The following ANTXR1 variants were observed in gnomAD, a reference collection of about 807,000 sequenced individuals.
ANTXR1 encodes anthrax toxin receptor 1.
In ANTXR1, 19 loss-of-function variants were observed where a neutral mutation model predicts 78.1. The ratio of observed to expected loss-of-function variants is 0.24; its 90% confidence interval spans 0.17 to 0.36. The LOEUF (loss-of-function observed/expected upper bound fraction) is 0.36, where lower values mean the gene tolerates loss of function less well. Among genes scored for constraint, ANTXR1 ranks in the 10% least tolerant of loss-of-function variants. ANTXR1 has a pLI of 1.00. For missense variants in ANTXR1, 518 were observed against 718.6 expected, an observed-to-expected ratio of 0.72 and a Z score of 3.19; for synonymous variants, 273 against 260.5, an observed-to-expected ratio of 1.05 and a Z score of -0.46.
intron 1 of ANTXR1, among the ~76,000 whole-genome samples, chr2:69,023,854 T>G (rs1671267939): frequency 6.6e-6 from 1 of 152,134 alleles, no homozygotes; most frequent in Non-Finnish European, 1.5e-5. Flanking sequence ...TGATCAGGAT[T>G]TTGTCAGGTG....
At chr2:69,026,968 G>A (rs1671363944) in intron 1 of ANTXR1, among the ~76,000 whole-genome samples, 1 of 152,158 alleles carries the variant, frequency 6.6e-6, no homozygotes, top group East Asian at 1.9e-4. Flanking sequence ...TAAAGCAGAC[G>A]GACTGAGTAT....
rs73934765 is a variant in ANTXR1, at chr2:69,156,449, A to C, written c.1047+4185A>C. On this transcript the variant is annotated intron_variant, in intron 13 of 17. Transcript: ENST00000303714. ...CTACAAACATACGCCAGCCACCTTC[A>C]TCCTTTAAAAAATGTGTCTATGTTA... is the stretch of plus-strand genomic sequence containing the variant. 7.7e-3 allele frequency among the ~76,000 whole-genome samples: 1,167 copies of C among 152,112 alleles called. 21 individuals are homozygous for C. The highest frequency in any genetic ancestry group is 0.026 in the African/African-American group (1,060 of 41,452).
intron 17 of ANTXR1, among the ~76,000 whole-genome samples, chr2:69,219,854 T>C (rs149395558): frequency 6.6e-6 from 1 of 152,258 alleles, no homozygotes; most frequent in East Asian, 1.9e-4. Flanking sequence ...TCCTCCACCA[T>C]CAGAAGGGTC....
At chr2:69,188,442 C>A (rs1224510724) in intron 16 of ANTXR1, among the ~76,000 whole-genome samples, 1 of 152,216 alleles carries the variant, frequency 6.6e-6, no homozygotes, top group Non-Finnish European at 1.5e-5. Context: ...TCATTCCCAG[C>A]ACAGTCTTAT....
intron 12 of ANTXR1, among the ~76,000 whole-genome samples, chr2:69,151,751 G>A (rs552294186): frequency 1.3e-5 from 2 of 152,278 alleles, no homozygotes; most frequent in Admixed American, 6.5e-5. Context: ...GGGTTCAGGG[G>A]AGCAGGCTGA....
intron 3 of ANTXR1, among the ~76,000 whole-genome samples, chr2:69,070,429 G>A (rs1670532014): frequency 6.6e-6 from 1 of 152,216 alleles, no homozygotes; most frequent in Non-Finnish European, 1.5e-5. Context: ...GAGTCCTGCA[G>A]AAGAGTCTTT....
chr2:69,033,660 G>A (rs1045648889), intron 1 of ANTXR1, among the ~76,000 whole-genome samples: 39 of 152,178 alleles, frequency 2.6e-4, no homozygotes, highest in African/African-American at 9.2e-4. Context: ...GGTTGCTGAG[G>A]ACATCAGTGA....
intron 10 of ANTXR1, among the ~76,000 whole-genome samples, chr2:69,104,973 C>T (rs572131373): frequency 6.6e-6 from 1 of 152,270 alleles, no homozygotes; most frequent in African/African-American, 2.4e-5. Flanking sequence ...TGGTCCCCAG[C>T]TACTCTGGAG....
At chr2:69,187,349 A>G (rs1428152918) in intron 16 of ANTXR1, among the ~76,000 whole-genome samples, 1 of 152,036 alleles carries the variant, frequency 6.6e-6, no homozygotes, top group Non-Finnish European at 1.5e-5. Flanking sequence ...GCTTCTCATT[A>G]AATTGGAGCT....
chr2:69,171,697 C>T (rs1300840168), intron 14 of ANTXR1, among the ~76,000 whole-genome samples: 1 of 152,182 alleles, frequency 6.6e-6, no homozygotes, highest in African/African-American at 2.4e-5. Context: ...TGGGCTCTGA[C>T]TTACCCCAGA....
intron 8 of ANTXR1, among the ~76,000 whole-genome samples, chr2:69,086,059 G>GGT (rs1671039240): frequency 6.6e-6 from 1 of 152,166 alleles, no homozygotes; most frequent in Non-Finnish European, 1.5e-5. Flanking sequence ...GAAAGCAAAA[G>GGT]ACACCTATAC....
chr2:69,140,470 C>T (rs1337157637), intron 12 of ANTXR1, among the ~76,000 whole-genome samples: 1 of 152,154 alleles, frequency 6.6e-6, no homozygotes, highest in East Asian at 1.9e-4. Flanking sequence ...TGAACATCCT[C>T]AGTAGGGGAT....
intron 17 of ANTXR1, among the ~76,000 whole-genome samples, chr2:69,216,387 ATATC>A (rs1215718908): frequency 6.6e-6 from 1 of 152,198 alleles, no homozygotes; most frequent in African/African-American, 2.4e-5. Context: ...ATACACATAC[ATATC>A]TATTAATACA....
chr2:69,039,453 T>C (rs1669548226), intron 1 of ANTXR1, among the ~76,000 whole-genome samples: 1 of 152,216 alleles, frequency 6.6e-6, no homozygotes. Flanking sequence ...CTTTTGTTTA[T>C]TAATACGACT....
At chr2:69,027,514 C>A (rs1374950192) in intron 1 of ANTXR1, among the ~76,000 whole-genome samples, 1 of 152,164 alleles carries the variant, frequency 6.6e-6, no homozygotes, top group East Asian at 1.9e-4. Context: ...ATTCCCCACT[C>A]TCCCCTAACT....
In ANTXR1 at chr2:69,114,934, C is replaced by T. The variant is rs1393945018; in HGVS notation, c.803-8083C>T. ...ACCAGTACCCTGCAGGCATGAACTA[C>T]AGAGTTATATCTGTAGGCCCCTCTA... is the stretch of plus-strand genomic sequence containing the variant. On this transcript the variant is annotated intron_variant, in intron 10 of 17. Coordinates refer to ENST00000303714, the MANE Select transcript of ANTXR1 (RefSeq NM_032208.3). Among the ~76,000 whole-genome samples the T allele has an allele frequency of 2.0e-5, 3 of 152,208 alleles. No individual in the cohort carries two copies. The South Asian group carries it at 6.2e-4, about 31-fold the overall frequency.
intron 17 of ANTXR1, among the ~76,000 whole-genome samples, chr2:69,197,496 C>T (rs1674692869): frequency 6.6e-6 from 1 of 152,190 alleles, no homozygotes; most frequent in Non-Finnish European, 1.5e-5. Context: ...CATGCCAGGA[C>T]ATTTTGTGTC....
At chr2:69,175,649 C>G (rs140193657) in intron 14 of ANTXR1, among the ~76,000 whole-genome samples, 4 of 152,092 alleles carry the variant, frequency 2.6e-5, no homozygotes, top group African/African-American at 9.6e-5. Flanking sequence ...AATGTGTCTT[C>G]TTGTTTTAAT....
At chr2:69,141,493 C>T (rs189846190) in intron 12 of ANTXR1, among the ~76,000 whole-genome samples, 186 of 151,882 alleles carry the variant, frequency 1.2e-3, no homozygotes, top group African/African-American at 4.2e-3. Flanking sequence ...GTCCAGTGTG[C>T]GCAAGTCAAC....
Sources: allele counts gnomAD v4.1 joint callset (sites outside exome capture counted in the v4.1 genomes callset), GRCh38; gene constraint gnomAD v4.1.1; transcripts MANE v1.5; gene names NCBI Gene and HGNC (gene_info 2026-07-23, HGNC 2026-07-21).